CSMD1: variants seen among roughly 807,000 people sequenced by gnomAD.
The protein encoded by CSMD1 is CUB and sushi domain-containing protein 1.
CSMD1 carries 213 observed loss-of-function variants against 417.5 expected under a neutral mutation model. The observed-to-expected ratio is 0.51, with a 90% CI of 0.46 to 0.57. The LOEUF (loss-of-function observed/expected upper bound fraction) is 0.57. CSMD1 is among the 20% of genes least tolerant of loss of function. The probability of loss-of-function intolerance (pLI) is 0.00; values close to 1 mark genes in which losing one functional copy is unlikely to be tolerated. For synonymous variants in CSMD1, 2,862 were observed against 1,736.8 expected, an observed-to-expected ratio of 1.65 and a Z score of -16.11; for missense variants, 6,923 against 4,529.7, an observed-to-expected ratio of 1.53 and a Z score of -15.17.
intron 2 of CSMD1, among the ~76,000 whole-genome samples, chr8:4,604,417 G>C (rs1455899838): frequency 6.6e-6 from 1 of 151,556 alleles, no homozygotes; most frequent in South Asian, 2.1e-4. Context: ...GTGTGCGCGT[G>C]CGTAAAGACT....
At chr8:3,313,188 C>G (rs1165751050) in intron 23 of CSMD1, among the ~76,000 whole-genome samples, 1 of 152,112 alleles carries the variant, frequency 6.6e-6, no homozygotes, top group Admixed American at 6.6e-5. Context: ...CTAGGCAATA[C>G]CATTCAGGAC....
chr8:4,213,460 C>T (rs994719766), intron 3 of CSMD1, among the ~76,000 whole-genome samples: 5 of 152,238 alleles, frequency 3.3e-5, no homozygotes, highest in South Asian at 2.1e-4. Flanking sequence ...AACAGTTGCC[C>T]GGATACTGGC....
intron 7 of CSMD1, among the ~76,000 whole-genome samples, chr8:3,665,284 C>T (rs1798627660): frequency 6.6e-6 from 1 of 152,138 alleles, no homozygotes; most frequent in African/African-American, 2.4e-5. Context: ...AATCCCAGCA[C>T]TTTAGGAGGC....
intron 1 of CSMD1, among the ~76,000 whole-genome samples, chr8:4,755,315 T>C (rs1410219929): frequency 2.6e-5 from 4 of 152,212 alleles, no homozygotes; most frequent in Non-Finnish European, 5.9e-5. Context: ...CACTTGACAA[T>C]CTTATGTTCA....
At chr8:3,951,730 G>A (rs930264588) in intron 5 of CSMD1, among the ~76,000 whole-genome samples, 4 of 152,066 alleles carry the variant, frequency 2.6e-5, no homozygotes, top group African/African-American at 4.8e-5. Flanking sequence ...TTAACAACAT[G>A]GGGGGCATTA....
At chr8:3,625,215 CTCT>C (rs1055031753) in intron 7 of CSMD1, among the ~76,000 whole-genome samples, 36 of 152,042 alleles carry the variant, frequency 2.4e-4, no homozygotes, top group African/African-American at 7.5e-4. Flanking sequence ...GGATGATAAA[CTCT>C]TATTATCGGA....
intron 1 of CSMD1, among the ~76,000 whole-genome samples, chr8:4,746,162 C>A (rs1018305537): frequency 5.3e-5 from 8 of 152,116 alleles, no homozygotes; most frequent in African/African-American, 1.7e-4. Context: ...GGCTTTGCAC[C>A]TTTTCATCCA....
intron 5 of CSMD1, among the ~76,000 whole-genome samples, chr8:3,827,901 G>A (rs943545177): frequency 6.6e-6 from 1 of 152,068 alleles, no homozygotes; most frequent in African/African-American, 2.4e-5. Context: ...CTCACTCAAA[G>A]GAAACAATAT....
At chr8:3,872,306 C>G (rs796302032) in intron 5 of CSMD1, among the ~76,000 whole-genome samples, 1 of 152,176 alleles carries the variant, frequency 6.6e-6, no homozygotes, top group African/African-American at 2.4e-5. Flanking sequence ...TAAGTGCCAT[C>G]TGGCTCATTC....
At chr8:4,226,951 C>T in intron 3 of CSMD1, among the ~76,000 whole-genome samples, 1 of 152,126 alleles carries the variant, frequency 6.6e-6, no homozygotes, top group African/African-American at 2.4e-5. Context: ...GGCTGCTTAA[C>T]AGTTTTACTT....
chr8:3,410,535 G>C (rs1453422469), intron 12 of CSMD1, among the ~76,000 whole-genome samples: 2 of 152,136 alleles, frequency 1.3e-5, no homozygotes, highest in East Asian at 3.9e-4. Flanking sequence ...CCCTGCACAA[G>C]CTTTCTCTTT....
intron 11 of CSMD1, among the ~76,000 whole-genome samples, chr8:3,479,834 G>T (rs1817635279): frequency 6.6e-6 from 1 of 151,680 alleles, no homozygotes. Flanking sequence ...ATGCTTCAGT[G>T]ATCATTTACA....
chr8:3,353,667 T>G (rs931265982), intron 21 of CSMD1, among the ~76,000 whole-genome samples: 3 of 152,208 alleles, frequency 2.0e-5, no homozygotes, highest in Non-Finnish European at 2.9e-5. Context: ...GAGCTTGATT[T>G]AAAACATTCA....
At chr8:4,338,119 G>C (rs1037437267) in intron 3 of CSMD1, among the ~76,000 whole-genome samples, 16 of 152,146 alleles carry the variant, frequency 1.1e-4, no homozygotes, top group African/African-American at 3.9e-4. Context: ...CAATTAATTT[G>C]AGAATTACTA....
chr8:4,705,502 A>G (rs1807875743), intron 1 of CSMD1, among the ~76,000 whole-genome samples: 1 of 152,190 alleles, frequency 6.6e-6, no homozygotes, highest in Non-Finnish European at 1.5e-5. Context: ...CCTCTCCAAG[A>G]AAAGGAAACG....
intron 1 of CSMD1, among the ~76,000 whole-genome samples, chr8:4,965,938 C>T (rs1304146018): frequency 6.6e-6 from 1 of 152,130 alleles, no homozygotes; most frequent in African/African-American, 2.4e-5. Flanking sequence ...TGAGAATGAT[C>T]TCTCAACATG....
chr8:3,663,592 G>A (rs1798532413), intron 7 of CSMD1, among the ~76,000 whole-genome samples: 1 of 152,144 alleles, frequency 6.6e-6, no homozygotes, highest in Admixed American at 6.5e-5. Context: ...TCTGCTCACT[G>A]AGATAAACCC....
intron 3 of CSMD1, among the ~76,000 whole-genome samples, chr8:4,398,883 T>C (rs1804451829): frequency 6.6e-6 from 1 of 152,276 alleles, no homozygotes; most frequent in Middle Eastern, 3.4e-3. Flanking sequence ...ACTGACATTC[T>C]CAATAAAAAA....
At chr8:3,882,679 A>T (rs900834098) in intron 5 of CSMD1, among the ~76,000 whole-genome samples, 1 of 152,208 alleles carries the variant, frequency 6.6e-6, no homozygotes, top group African/African-American at 2.4e-5. Context: ...CACAAAACAA[A>T]ATACTACACA....
Sources: allele counts gnomAD v4.1 joint callset (sites outside exome capture counted in the v4.1 genomes callset), GRCh38; gene constraint gnomAD v4.1.1; transcripts MANE v1.5; gene names NCBI Gene and HGNC (gene_info 2026-07-23, HGNC 2026-07-21).